YPEL1: variants seen among roughly 807,000 people sequenced by gnomAD.
YPEL1 encodes the protein yippee like 1, also known as protein yippee-like 1.
In YPEL1, 7 loss-of-function variants were observed where a neutral mutation model predicts 17.3. The observed-to-expected ratio is 0.40, with a 90% confidence interval of 0.23 to 0.76. YPEL1 has a LOEUF of 0.76. Ranked by LOEUF, YPEL1 falls within the 30% of genes least tolerant of loss-of-function variation. The pLI, the probability that YPEL1 is intolerant of heterozygous loss-of-function variation, is 0.35. For missense variants in YPEL1, 91 were observed against 155.5 expected (o/e 0.59, Z 2.21); for synonymous variants, 59 against 59.6 (o/e 0.99, Z 0.05).
chr22:21,710,769 C>G lies in YPEL1; in HGVS notation c.-25G>C. The G allele has an allele frequency of 6.2e-7, 1 of 1,602,676 alleles. No homozygotes were observed. On this transcript the variant is annotated 5_prime_UTR_variant, in exon 2 of 5. Transcript: ENST00000339468. ...TCTCTCCTGGGCACTCCTCACTCAG[C>G]TCAGGGCTGGTTCTGGAAGAACCGT...
chr22:21,702,914 C>A (rs2068079539), intron 4 of YPEL1, among the ~76,000 whole-genome samples: 1 of 152,134 alleles, frequency 6.6e-6, no homozygotes, highest in African/African-American at 2.4e-5. Flanking sequence ...TTCAAGGTCC[C>A]TGAGAAAGAG....
intron 2 of YPEL1, among the ~76,000 whole-genome samples, chr22:21,705,527 A>C (rs947152176): frequency 6.6e-6 from 1 of 152,202 alleles, no homozygotes; most frequent in Non-Finnish European, 1.5e-5. Context: ...TTTTTGACCT[A>C]ACAAAGGCAA....
intron 1 of YPEL1, among the ~76,000 whole-genome samples, chr22:21,715,674 C>T (rs1011905452): frequency 1.7e-4 from 21 of 121,494 alleles, no homozygotes; most frequent in Admixed American, 1.4e-3. Flanking sequence ...CTCCGCCTCC[C>T]GGGTTCAAGT....
At position 21,701,075 on chromosome 22, in the gene YPEL1, A is replaced by T. The variant is rs547634027; in HGVS notation, c.*54T>A. 3.4e-5 allele frequency: 52 copies of T among 1,515,530 alleles called. No homozygotes were observed. In the African/African-American group the frequency reaches 4.9e-4, roughly 14 times the overall value. The allele number at this position is 1,515,530 out of a possible 1,614,324, so 93.9% of individuals were successfully genotyped here. A position where few individuals can be genotyped will look rare whatever the true frequency, so the allele number is the denominator to read the frequency against. On this transcript the variant is annotated 3_prime_UTR_variant, in exon 5 of 5. Transcript: ENST00000339468. ...CCAGATGCTCCTACGTTTCCATTACATTCACAGTTTCTTTCACAAAACAGC... is the reference window on the plus strand; with the variant it reads ...CCAGATGCTCCTACGTTTCCATTACTTTCACAGTTTCTTTCACAAAACAGC...
At chr22:21,721,159 T>C (rs1221352217) in intron 1 of YPEL1, among the ~76,000 whole-genome samples, 2 of 151,722 alleles carry the variant, frequency 1.3e-5, no homozygotes, top group African/African-American at 2.4e-5. Flanking sequence ...AGTCTCGCAC[T>C]GTTGCCCAGG....
chr22:21,720,244 C>T (rs780344611), intron 1 of YPEL1, among the ~76,000 whole-genome samples: 14 of 151,112 alleles, frequency 9.3e-5, no homozygotes, highest in Non-Finnish European at 7.4e-5. Context: ...AGTCTGTTGC[C>T]GAGGCCGGAG....
chr22:21,699,917 C>T lies in YPEL1; in HGVS notation c.*1212G>A, dbSNP rs558481457. On this transcript the variant is annotated 3_prime_UTR_variant, in exon 5 of 5. Transcript: ENST00000339468. Reference sequence around the variant, plus strand: ...TGAGGCTGTCACCTCAGTAAGGGCACCTCTGCGGGCCCCGGGACAGCCTTC... The same window carrying T: ...TGAGGCTGTCACCTCAGTAAGGGCATCTCTGCGGGCCCCGGGACAGCCTTC... 1 of 152,554 alleles carries T rather than the reference C, an allele frequency of 6.6e-6. No individual in the cohort carries two copies. The highest frequency in any genetic ancestry group is 1.9e-4 in the East Asian group (1 of 5,324). The allele number at this position is 152,554 out of a possible 1,614,324, so 9.5% of individuals were successfully genotyped here. A position where few individuals can be genotyped will look rare whatever the true frequency, so the allele number is the denominator to read the frequency against.
intron 1 of YPEL1, among the ~76,000 whole-genome samples, chr22:21,719,264 TC>T (rs1387769181): frequency 6.6e-6 from 1 of 152,188 alleles, no homozygotes; most frequent in Non-Finnish European, 1.5e-5. Context: ...AGTAGCTCAT[TC>T]AAATCCATGC....
At chr22:21,727,018 G>A (rs2068342498) in intron 1 of YPEL1, among the ~76,000 whole-genome samples, 1 of 152,130 alleles carries the variant, frequency 6.6e-6, no homozygotes, top group Non-Finnish European at 1.5e-5. Context: ...CACTTCGCAT[G>A]GGCTTTATTT....
chr22:21,734,975 T>C (rs1478969638), intron 1 of YPEL1, among the ~76,000 whole-genome samples: 1 of 152,124 alleles, frequency 6.6e-6, no homozygotes, highest in African/African-American at 2.4e-5. Context: ...GTCTTCCATG[T>C]TCATTATCTG....
At chr22:21,702,180 G>A (rs887698724) in intron 4 of YPEL1, among the ~76,000 whole-genome samples, 7 of 152,274 alleles carry the variant, frequency 4.6e-5, no homozygotes, top group Admixed American at 1.3e-4. Context: ...CTACCCAAGC[G>A]GCAGCCCCAG....
chr22:21,722,941 C>T (rs1191050240), intron 1 of YPEL1: 1 of 151,812 alleles, frequency 6.6e-6, no homozygotes, highest in Non-Finnish European at 1.5e-5. Context: ...TTTACAGGCA[C>T]GATGCCACTA....
intron 1 of YPEL1, among the ~76,000 whole-genome samples, chr22:21,712,694 C>G (rs545173042): frequency 6.7e-6 from 1 of 148,718 alleles, no homozygotes; most frequent in East Asian, 2.0e-4. Flanking sequence ...TCACTGCACT[C>G]CAGCCTGGGC....
intron 2 of YPEL1, among the ~76,000 whole-genome samples, chr22:21,708,917 G>A (rs112722152): frequency 0.015 from 2,319 of 151,346 alleles, 62 homozygotes; most frequent in African/African-American, 0.053. Flanking sequence ...CAAGTGATCC[G>A]CCCACCTCGG....
intron 1 of YPEL1, among the ~76,000 whole-genome samples, chr22:21,727,684 A>G (rs1394975567): frequency 6.6e-6 from 1 of 152,192 alleles, no homozygotes; most frequent in Non-Finnish European, 1.5e-5. Context: ...AAACAAAACC[A>G]AGCAGCTTCT....
chr22:21,718,738 G>A (rs1418335795), intron 1 of YPEL1, among the ~76,000 whole-genome samples: 2 of 151,790 alleles, frequency 1.3e-5, no homozygotes, highest in African/African-American at 2.4e-5. Flanking sequence ...CATCTAGCAG[G>A]AATTTTGTGG....
At chr22:21,701,895 A>G (rs1378067543) in intron 4 of YPEL1, among the ~76,000 whole-genome samples, 1 of 152,190 alleles carries the variant, frequency 6.6e-6, no homozygotes, top group Non-Finnish European at 1.5e-5. Context: ...TTCTTCTACA[A>G]AAATCAAAAA....
In YPEL1 at chr22:21,727,513, C is replaced by T. The variant is rs146637578; in HGVS notation, c.-165+8102G>A. On this transcript the variant is annotated intron_variant, in intron 1 of 4. Transcript: ENST00000339468. ...GCTGCCATCCATCCCCCCAAATAGACATTAATGTGGGGTATGTTTTTAGAG... is the reference window on the plus strand; with the variant it reads ...GCTGCCATCCATCCCCCCAAATAGATATTAATGTGGGGTATGTTTTTAGAG... Among the ~76,000 whole-genome samples, 447 of 152,318 alleles carry T rather than the reference C, an allele frequency of 2.9e-3. 2 individuals carry two copies. Among genetic ancestry groups the T allele is most frequent in the African/African-American group, 0.01 (434 of 41,572 alleles).
At chr22:21,709,852 G>C (rs989736366) in intron 2 of YPEL1, among the ~76,000 whole-genome samples, 1 of 150,900 alleles carries the variant, frequency 6.6e-6, no homozygotes, top group African/African-American at 2.4e-5. Context: ...ATTGAGCATG[G>C]GGGAGGTCAT....
Sources: allele counts gnomAD v4.1 joint callset (sites outside exome capture counted in the v4.1 genomes callset), GRCh38; gene constraint gnomAD v4.1.1; transcripts MANE v1.5; gene names NCBI Gene and HGNC (gene_info 2026-07-23, HGNC 2026-07-21).